Variants in PHF21A observed in about 807,000 individuals in gnomAD.
PHF21A encodes the protein BHC80a.
In PHF21A, 11 loss-of-function variants were observed where a neutral mutation model predicts 82.5. The ratio of observed to expected loss-of-function variants is 0.13; its 90% CI spans 0.08 to 0.22. The LOEUF is 0.22. Among genes scored for constraint, PHF21A ranks in the 10% least tolerant of loss-of-function variants. The pLI is 1.00. For synonymous variants in PHF21A, 297 were observed against 302.8 expected (o/e 0.98, Z 0.20); for missense variants, 579 against 837.8 (o/e 0.69, Z 3.81).
chr11:45,943,064 G>C (rs1175525814), intron 15 of PHF21A, among the ~76,000 whole-genome samples: 1 of 149,854 alleles, frequency 6.7e-6, no homozygotes, highest in Admixed American at 6.7e-5. Context: ...ATGCAGACGT[G>C]ATCACTTTTC....
chr11:45,949,772 C>T (rs1332871949), intron 12 of PHF21A, among the ~76,000 whole-genome samples: 1 of 152,204 alleles, frequency 6.6e-6, no homozygotes, highest in African/African-American at 2.4e-5. Context: ...ATATATAGGT[C>T]TGGATGAGCT....
chr11:46,077,013 C>G (rs113638767), intron 5 of PHF21A, among the ~76,000 whole-genome samples, 194 bp from the exon 6 acceptor site: 1 of 152,180 alleles, frequency 6.6e-6, no homozygotes, highest in Non-Finnish European at 1.5e-5. Flanking sequence ...GCTCCTTGCA[C>G]CAAAACAGGA....
chr11:46,018,249 CAA>C (rs772133757), intron 6 of PHF21A, among the ~76,000 whole-genome samples: 25 of 76,190 alleles, frequency 3.3e-4, no homozygotes, highest in Admixed American at 3.2e-4. Flanking sequence ...GACTCCGTCT[CAA>C]AAAAAAAAAA....
At chr11:46,110,923 T>G (rs1285592023) in intron 1 of PHF21A, among the ~76,000 whole-genome samples, 1 of 151,574 alleles carries the variant, frequency 6.6e-6, no homozygotes, top group African/African-American at 2.4e-5. Flanking sequence ...GTAGCTGGGA[T>G]TACAGGCACC....
chr11:46,043,544 G>A (rs1001895993), intron 6 of PHF21A, among the ~76,000 whole-genome samples: 1 of 151,846 alleles, frequency 6.6e-6, no homozygotes, highest in African/African-American at 2.4e-5. Context: ...TGAAGCTTTG[G>A]CCCCTGAAGT....
At chr11:45,959,801 G>C (rs987652688) in intron 10 of PHF21A, among the ~76,000 whole-genome samples, 11 of 152,178 alleles carry the variant, frequency 7.2e-5, no homozygotes, top group African/African-American at 2.7e-4. Context: ...CATGTAACTG[G>C]TAAGGGTCTA....
intron 11 of PHF21A, among the ~76,000 whole-genome samples, chr11:45,950,983 G>A (rs1472754534): frequency 1.3e-5 from 2 of 152,190 alleles, no homozygotes; most frequent in Admixed American, 6.5e-5. Flanking sequence ...AAATTATGGA[G>A]CAATTTCTCT....
intron 6 of PHF21A, among the ~76,000 whole-genome samples, chr11:46,057,461 C>T (rs1207274428): frequency 6.6e-6 from 1 of 152,098 alleles, no homozygotes; most frequent in Non-Finnish European, 1.5e-5. Context: ...CCAATGAACC[C>T]AGGCTGGTTT....
chr11:45,953,647 A>C (rs2092374670), intron 10 of PHF21A, 22 bp from the exon 11 acceptor site: 3 of 1,516,602 alleles, frequency 2.0e-6, no homozygotes, highest in Non-Finnish European at 2.7e-6. Flanking sequence ...AAATTAAATA[A>C]AAATTCAGAA....
intron 1 of PHF21A, among the ~76,000 whole-genome samples, chr11:46,107,710 A>G (rs577339508): frequency 2.6e-5 from 4 of 152,334 alleles, no homozygotes; most frequent in African/African-American, 7.2e-5. Context: ...ACAACAGTGA[A>G]TTATCACTAA....
At chr11:45,934,831 C>T (rs1279235912) in intron 18 of PHF21A, 2 of 353,380 alleles carry the variant, frequency 5.7e-6, no homozygotes, top group Non-Finnish European at 1.1e-5. Context: ...CAGCTTCCCA[C>T]ACCTGCTGGC....
At chr11:46,084,841 G>A (rs1044575125) in intron 3 of PHF21A, among the ~76,000 whole-genome samples, 10 of 151,940 alleles carry the variant, frequency 6.6e-5, no homozygotes, top group African/African-American at 2.2e-4. Flanking sequence ...CACTACGCCC[G>A]GCTCATTTTT....
chr11:45,938,727 A>G (rs781257945), intron 15 of PHF21A, among the ~76,000 whole-genome samples: 1 of 152,226 alleles, frequency 6.6e-6, no homozygotes, highest in Non-Finnish European at 1.5e-5. Flanking sequence ...AATGAGGTCT[A>G]TCTTCTTTTT....
chr11:45,941,562 G>A (rs896009806), intron 15 of PHF21A, among the ~76,000 whole-genome samples: 1 of 151,916 alleles, frequency 6.6e-6, no homozygotes, highest in African/African-American at 2.4e-5. Context: ...AAAGAGTCTC[G>A]GGGACTCCCA....
chr11:45,964,443 A>T (rs2093314696), intron 10 of PHF21A, among the ~76,000 whole-genome samples: 1 of 152,170 alleles, frequency 6.6e-6, no homozygotes, highest in African/African-American at 2.4e-5. Context: ...AGCAGGCAGC[A>T]TCTGAACAGC....
intron 6 of PHF21A, among the ~76,000 whole-genome samples, chr11:46,021,058 C>A (rs1310470889): frequency 2.0e-5 from 3 of 146,614 alleles, no homozygotes; most frequent in Non-Finnish European, 4.5e-5. Flanking sequence ...TAGATAGATT[C>A]TTTAAAAAAA....
Position 45,969,878 on chromosome 11 carries a change from G to A in PHF21A, c.639C>T (p.Pro213=). ...GGGGGATAAACTGTGGTACTTTGAT[G>A]GGCTGAGGAGGTGTTGCCTGAACCT... The part of the protein sequence containing the change: ...TLQVQATPPQ[P]IKVPQFIPPP... The change falls in exon 9 of 19, where the codon CCC becomes CCT. Residue 213 remains proline (P), a synonymous_variant. Coordinates refer to ENST00000676320, the MANE Select transcript of PHF21A (RefSeq NM_001352027.3). The A allele has an allele frequency of 1.2e-6, 2 of 1,613,684 alleles. No homozygotes were observed. The highest frequency in any genetic ancestry group is 1.7e-6 in the Non-Finnish European group (2 of 1,179,714).
chr11:46,039,929 A>T (rs1221809382), intron 6 of PHF21A, among the ~76,000 whole-genome samples: 1 of 152,244 alleles, frequency 6.6e-6, no homozygotes, highest in Non-Finnish European at 1.5e-5. Context: ...CAAGTAATAC[A>T]TCTATTTTTA....
chr11:46,003,685 T>G (rs2095217182), intron 6 of PHF21A, among the ~76,000 whole-genome samples: 1 of 152,198 alleles, frequency 6.6e-6, no homozygotes, highest in South Asian at 2.1e-4. Context: ...GATGGAAGTA[T>G]GAGTATGGCT....
Sources: gnomAD v4.1 joint callset for allele counts (sites outside exome capture counted in the v4.1 genomes callset) on GRCh38, gnomAD v4.1.1 for gene constraint, MANE v1.5 for transcripts, NCBI Gene and HGNC (gene_info 2026-07-23, HGNC 2026-07-21) for gene names.